The following TTC28 variants were observed in gnomAD, a reference collection of about 807,000 sequenced individuals.
TTC28 encodes the protein tetratricopeptide repeat domain 28, also known as tetratricopeptide repeat protein 28.
A neutral mutation model predicts 198.0 loss-of-function variants in TTC28; 61 were observed. That is an observed-to-expected ratio of 0.31 (90% CI 0.25 to 0.38). TTC28 has a LOEUF of 0.38. Ranked by LOEUF, TTC28 falls within the 10% of genes least tolerant of loss-of-function variation. TTC28 has a pLI of 1.00. For missense variants in TTC28, 2,678 were observed against 3,164.0 expected, an observed-to-expected ratio of 0.85 and a Z score of 3.69; for synonymous variants, 1,171 against 1,297.8, an observed-to-expected ratio of 0.90 and a Z score of 2.10.
intron 5 of TTC28, among the ~76,000 whole-genome samples, chr22:28,205,000 T>A (rs147875325): frequency 1.3e-5 from 2 of 152,130 alleles, no homozygotes; most frequent in African/African-American, 4.8e-5. Flanking sequence ...ATCTCATATA[T>A]GTTTCAGGTA....
chr22:27,999,950 G>A (rs1318028306), intron 15 of TTC28: 1 of 152,056 alleles, frequency 6.6e-6, no homozygotes, highest in Non-Finnish European at 1.5e-5. Context: ...TTAAACTCTG[G>A]GTAAGAGAAA....
chr22:28,643,637 T>G (rs1488364327), intron 1 of TTC28, among the ~76,000 whole-genome samples: 1 of 152,214 alleles, frequency 6.6e-6, no homozygotes, highest in Non-Finnish European at 1.5e-5. Context: ...GTCTTAAGAT[T>G]TGAAACTTCT....
At chr22:28,020,390 G>T (rs897803677) in intron 13 of TTC28, among the ~76,000 whole-genome samples, 10 of 152,232 alleles carry the variant, frequency 6.6e-5, no homozygotes, top group African/African-American at 2.4e-4. Context: ...CACACAGTCT[G>T]TGTGGTGGCG....
In TTC28 at chr22:28,633,280, C is replaced by CAA. The variant is rs371317485; in HGVS notation, c.103-3452_103-3451dup. Among the ~76,000 whole-genome samples the CAA allele has an allele frequency of 9.0e-5, 10 of 110,788 alleles. No individual in the cohort carries two copies. In the East Asian group the frequency reaches 1.0e-3, roughly 11 times the overall value. 72.7% of individuals were successfully genotyped at this position (110,788 alleles called of 152,430 possible). On this transcript the variant is annotated intron_variant, in intron 1 of 22. Coordinates refer to ENST00000397906, the MANE Select transcript of TTC28 (RefSeq NM_001145418.2). ...GGGCAACAAGAACAAGACTCTGTCT[C>CAA]AAAAAAAAAAAAGAAAAAGAAAAAG...
At chr22:28,235,778 TA>T (rs1225268558) in intron 5 of TTC28, among the ~76,000 whole-genome samples, 1 of 152,194 alleles carries the variant, frequency 6.6e-6, no homozygotes, top group East Asian at 1.9e-4. Flanking sequence ...TACACAAGGA[TA>T]AACTCCAAAT....
chr22:28,379,999 T>C (rs1162689528), intron 2 of TTC28, among the ~76,000 whole-genome samples: 1 of 151,526 alleles, frequency 6.6e-6, no homozygotes, highest in East Asian at 1.9e-4. Context: ...TTGTACGGGC[T>C]ACAATTTAGT....
intron 2 of TTC28, among the ~76,000 whole-genome samples, chr22:28,366,244 T>G (rs968479502): frequency 1.1e-4 from 17 of 152,334 alleles, no homozygotes; most frequent in African/African-American, 3.1e-4. Context: ...TAAGATTTCC[T>G]ATAGCCCATA....
chr22:28,483,915 A>G (rs889768023), intron 2 of TTC28, among the ~76,000 whole-genome samples: 1 of 152,230 alleles, frequency 6.6e-6, no homozygotes, highest in South Asian at 2.1e-4. Flanking sequence ...TTTACATACA[A>G]AAGTAATATG....
At chr22:28,500,483 T>C (rs2048522056) in intron 2 of TTC28, among the ~76,000 whole-genome samples, 1 of 152,188 alleles carries the variant, frequency 6.6e-6, no homozygotes, top group Non-Finnish European at 1.5e-5. Context: ...TAATAATCTT[T>C]CAAAAATATT....
chr22:28,152,843 AT>A (rs1408382778), intron 6 of TTC28, among the ~76,000 whole-genome samples: 1 of 152,228 alleles, frequency 6.6e-6, no homozygotes, highest in Non-Finnish European at 1.5e-5. Context: ...CCATAGCAAG[AT>A]AATCCAATGT....
intron 5 of TTC28, among the ~76,000 whole-genome samples, chr22:28,193,515 C>A (rs1925078767): frequency 6.6e-6 from 1 of 152,130 alleles, no homozygotes; most frequent in African/African-American, 2.4e-5. Flanking sequence ...AGTCAAGACC[C>A]ATCAGTGTGC....
chr22:28,529,105 G>A (rs938306925), intron 2 of TTC28, among the ~76,000 whole-genome samples: 2 of 152,194 alleles, frequency 1.3e-5, no homozygotes, highest in African/African-American at 2.4e-5. Context: ...CCGAAGCAGG[G>A]CAGGGCATCG....
intron 1 of TTC28, among the ~76,000 whole-genome samples, chr22:28,650,890 A>G (rs188175580): frequency 4.5e-4 from 68 of 152,350 alleles, no homozygotes; most frequent in Non-Finnish European, 5.9e-4. Flanking sequence ...AGAATCTGAA[A>G]CAACTTTTAC....
chr22:28,647,480 C>T (rs1245421580), intron 1 of TTC28, among the ~76,000 whole-genome samples: 1 of 152,022 alleles, frequency 6.6e-6, no homozygotes, highest in Non-Finnish European at 1.5e-5. Flanking sequence ...GCAAACTATG[C>T]ATCTAATGTC....
chr22:28,059,545 T>C (rs1940426673), intron 12 of TTC28, among the ~76,000 whole-genome samples: 1 of 152,040 alleles, frequency 6.6e-6, no homozygotes, highest in Non-Finnish European at 1.5e-5. Context: ...GTCAAGGTGA[T>C]TGGTGTTTTT....
chr22:28,622,532 A>T (rs1029258341), intron 2 of TTC28, among the ~76,000 whole-genome samples: 3 of 148,128 alleles, frequency 2.0e-5, no homozygotes, highest in African/African-American at 7.6e-5. Context: ...AAATAGCATG[A>T]AAAGAATATC....
chr22:28,158,652 T>C (rs1418742288), intron 6 of TTC28, among the ~76,000 whole-genome samples: 1 of 152,060 alleles, frequency 6.6e-6, no homozygotes, highest in Non-Finnish European at 1.5e-5. Context: ...GCCAAGAACA[T>C]ACACTGAGAA....
chr22:28,556,784 CAGA>C (rs552329576), intron 2 of TTC28, among the ~76,000 whole-genome samples: 6 of 152,180 alleles, frequency 3.9e-5, no homozygotes, highest in Non-Finnish European at 8.8e-5. Context: ...CTGGCCAGGG[CAGA>C]AGGATACACT....
At chr22:28,299,660 C>A (rs1446119877) in intron 3 of TTC28, among the ~76,000 whole-genome samples, 1 of 152,168 alleles carries the variant, frequency 6.6e-6, no homozygotes, top group Non-Finnish European at 1.5e-5. Flanking sequence ...TTGATCACAT[C>A]AGCATCCCAC....
Sources: gnomAD v4.1 joint callset for allele counts (sites outside exome capture counted in the v4.1 genomes callset) on GRCh38, gnomAD v4.1.1 for gene constraint, MANE v1.5 for transcripts, NCBI Gene and HGNC (gene_info 2026-07-23, HGNC 2026-07-21) for gene names.